LLGL1: variants seen among roughly 807,000 people sequenced by gnomAD.
The protein encoded by LLGL1 is LLGL scribble cell polarity complex component 1, also known as lethal(2) giant larvae protein homolog 1.
Under a neutral mutation model 110.6 loss-of-function variants are expected in LLGL1, and 58 were observed. That is an observed-to-expected ratio of 0.52 (90% CI 0.42 to 0.65). The LOEUF is 0.65. LLGL1 is among the 30% of genes least tolerant of loss of function. LLGL1 has a pLI of 0.00. For synonymous variants in LLGL1, 674 were observed against 607.2 expected (o/e 1.11, Z -1.62); for missense variants, 1,229 against 1,462.1 (o/e 0.84, Z 2.60).
In LLGL1 at chr17:18,225,637, C is replaced by T. The variant is rs1373931703; in HGVS notation, c.-46C>T. 6.4e-6 allele frequency: 6 copies of T among 930,560 alleles called. No individual in the cohort carries two copies. The East Asian group carries it at 3.5e-4, about 54-fold the overall frequency. 57.6% of individuals were successfully genotyped at this position (930,560 alleles called of 1,614,324 possible). A position where few individuals can be genotyped will look rare whatever the true frequency, so the allele number is the denominator to read the frequency against. Reference sequence around the variant, plus strand: ...GGACCCGCGGGGCCGCGCGGCGCATCCTGCGGGCGGCGGCGGCGGGCGAGG... The same window carrying T: ...GGACCCGCGGGGCCGCGCGGCGCATTCTGCGGGCGGCGGCGGCGGGCGAGG... On this transcript the variant is annotated 5_prime_UTR_variant, in exon 1 of 23. Transcript: ENST00000316843.
intron 2 of LLGL1, among the ~76,000 whole-genome samples, chr17:18,231,031 C>T (rs573597219): frequency 2.2e-4 from 33 of 152,292 alleles, no homozygotes; most frequent in Admixed American, 4.6e-4. Context: ...GTGGGTGCTG[C>T]GCTGCGTGCG....
chr17:18,232,433 G>T, intron 2 of LLGL1, 62 bp from the exon 3 acceptor site: 2 of 1,428,404 alleles, frequency 1.4e-6, no homozygotes, highest in Non-Finnish European at 9.7e-7. Flanking sequence ...GGAGCCTTGG[G>T]TGTCTTCCTC....
At chr17:18,234,489 A>G (rs2047645373) in intron 7 of LLGL1, 81 bp downstream of exon 7, 2 of 1,587,226 alleles carry the variant, frequency 1.3e-6, no homozygotes, top group Non-Finnish European at 8.6e-7. Flanking sequence ...CTGAGGAGGG[A>G]CTTCCCCGAG....
intron 1 of LLGL1, among the ~76,000 whole-genome samples, chr17:18,229,547 A>G (rs561594768): frequency 3.9e-5 from 6 of 152,284 alleles, no homozygotes; most frequent in African/African-American, 1.4e-4. Flanking sequence ...AATGGGGTGC[A>G]GAGCCCTTCA....
At chr17:18,237,381 T>G in intron 13 of LLGL1, 100 bp from the exon 14 acceptor site, 1 of 1,191,624 alleles carries the variant, frequency 8.4e-7, no homozygotes, top group Non-Finnish European at 1.2e-6. Context: ...TAGAACCACC[T>G]TGGTGGTGGC....
intron 22 of LLGL1, 44 bp downstream of exon 22, chr17:18,242,866 C>T: frequency 1.3e-6 from 2 of 1,498,502 alleles, no homozygotes. Flanking sequence ...TGGTGACGTC[C>T]ACCCCCTTCA....
chr17:18,225,812 G>C, intron 1 of LLGL1, 49 bp downstream of exon 1: 1 of 861,754 alleles, frequency 1.2e-6, no homozygotes, highest in African/African-American at 1.8e-5. Context: ...GGCGGGACGG[G>C]GGCCTGGGCT....
rs1301778941 is a variant in LLGL1 at position 18,238,163 on chromosome 17, T to G, written c.2001T>G (p.Ile667Met). ...KKSLRQSFRR[I>M]RKSRVSGKKR... The stretch of plus-strand genomic sequence containing the variant: ...CACTGCGCCAGTCTTTCCGGCGCAT[T>G]CGCAAGAGTCGTGTCTCTGGCAAGA... The change falls in exon 15 of 23, where the codon ATT (isoleucine) becomes ATG (methionine). Residue 667 changes from isoleucine to methionine, a missense_variant. Coordinates refer to ENST00000316843, the MANE Select transcript of LLGL1 (RefSeq NM_004140.4). 1 of 1,613,314 alleles carries G rather than the reference T, an allele frequency of 6.2e-7. No individual in the cohort carries two copies. The highest frequency in any genetic ancestry group is 1.7e-5 in the Admixed American group (1 of 60,034).
rs377198347 is a variant in LLGL1, at chr17:18,237,598, C to T, written c.1729C>T (p.Arg577Cys). ...TWKGHERLSP[R>C]TGPLPWPAGF... ...GAAGGGCCACGAGCGGCTGAGCCCA[C>T]GCACGGGGCCGCTGCCCTGGCCTGC... The change falls in exon 14 of 23, where the codon CGC becomes TGC. Residue 577 changes from arginine to cysteine, a missense_variant. Arg to Cys is a radical substitution (Grantham distance 180). Coordinates refer to ENST00000316843, the MANE Select transcript of LLGL1 (RefSeq NM_004140.4). 2.4e-5 allele frequency: 38 copies of T among 1,610,752 alleles called. 1 individual carries two copies. The East Asian group carries it at 2.9e-4, about 12-fold the overall frequency.
chr17:18,231,387 G>A (rs2047563791), intron 2 of LLGL1, among the ~76,000 whole-genome samples: 1 of 152,232 alleles, frequency 6.6e-6, no homozygotes, highest in South Asian at 2.1e-4. Context: ...GGGAATCTGA[G>A]CTCAAGCTCC....
chr17:18,233,232 G>A (rs2047608066), intron 4 of LLGL1, among the ~76,000 whole-genome samples: 1 of 152,176 alleles, frequency 6.6e-6, no homozygotes, highest in African/African-American at 2.4e-5. Context: ...AGGGTTGAGG[G>A]CAAGGAGGGT....
intron 20 of LLGL1, 44 bp from the exon 21 acceptor site, chr17:18,242,464 G>A: frequency 6.2e-7 from 1 of 1,610,864 alleles, no homozygotes; most frequent in Non-Finnish European, 8.5e-7. Context: ...AGGTGCAGAG[G>A]GTGCTAAGGG....
rs761888691 is a variant in LLGL1, at chr17:18,236,734, G to A, written c.1480G>A (p.Glu494Lys). ...CGCTGACAGCCTGGCCCAGGCTGCC[G>A]AGGACGACTGGCCACCCTTCCGCAA... Reference protein sequence around the residue: ...EHADSLAQAAEDDWPPFRKVG... With the variant: ...EHADSLAQAAKDDWPPFRKVG... The change falls in exon 12 of 23, where the codon GAG (glutamate) becomes AAG (lysine). Residue 494 changes from glutamate (E) to lysine (K), a missense_variant. Physicochemically the swap from Glu to Lys is moderately conservative, Grantham distance 56. Transcript: ENST00000316843. 6 of 1,612,436 alleles carry A rather than the reference G, an allele frequency of 3.7e-6. No individual in the cohort carries two copies. Among genetic ancestry groups the A allele is most frequent in the East Asian group, 4.5e-5 (2 of 44,862 alleles).
chr17:18,238,469 A>T lies in LLGL1; in HGVS notation c.2066A>T (p.Asn689Ile). Residue 689 changes from asparagine (N) to isoleucine (I), a missense_variant, in exon 16 of 23, where the codon AAT becomes ATT. By Grantham distance (149) the Asn-to-Ile change is moderately radical (BLOSUM62 -3). Coordinates refer to ENST00000316843, the MANE Select transcript of LLGL1 (RefSeq NM_004140.4). ...ANASSKLQEA[N>I]AQLAEQACPH... ...CCCGCCCGGCAGTTGCAGGAAGCCAATGCACAGCTGGCTGAGCAGGCCTGC... is the reference window on the plus strand; with the variant it reads ...CCCGCCCGGCAGTTGCAGGAAGCCATTGCACAGCTGGCTGAGCAGGCCTGC... 6.2e-7 allele frequency: 1 copy of T among 1,610,736 alleles called. No individual in the cohort carries two copies. The highest frequency in any genetic ancestry group is 8.5e-7 in the Non-Finnish European group (1 of 1,178,806).
Position 18,241,914 on chromosome 17 carries a change from G to T in LLGL1, c.2797G>T (p.Glu933Ter). The T allele has an allele frequency of 6.2e-7, 1 of 1,614,128 alleles. No individual in the cohort carries two copies. The highest frequency in any genetic ancestry group is 1.1e-5 in the South Asian group (1 of 91,078). ...GFYLISPSEF[E>*]RFSLSARNIT... ...TTACCTGATATCCCCATCAGAATTTGAACGCTTCTCCCTAAGTGCCCGGAA... is the reference window on the plus strand; with the variant it reads ...TTACCTGATATCCCCATCAGAATTTTAACGCTTCTCCCTAAGTGCCCGGAA... Residue 933 changes from glutamate to a stop codon, truncating the protein, a stop_gained, in exon 19 of 23, where the codon GAA becomes TAA. Transcript: ENST00000316843. LOFTEE classifies it high-confidence loss of function.
chr17:18,235,397 T>G, intron 10 of LLGL1, 73 bp from the exon 11 acceptor site: 3 of 1,606,636 alleles, frequency 1.9e-6, no homozygotes, highest in Non-Finnish European at 2.6e-6. Flanking sequence ...GGTCAGAATG[T>G]GCCATACTCG....
Position 18,232,482 on chromosome 17 carries a change from C to T in LLGL1, c.180-13C>T, listed in dbSNP as rs371599695. Reference sequence around the variant, plus strand: ...GGTCTATGCCTATTTCCACCTTGACCTGCCACCCTCAGCTATGGTGCACCT... The same window carrying T: ...GGTCTATGCCTATTTCCACCTTGACTTGCCACCCTCAGCTATGGTGCACCT... On this transcript the variant is annotated splice_polypyrimidine_tract_variant and intron_variant, in intron 2 of 22. Coordinates refer to ENST00000316843, the MANE Select transcript of LLGL1 (RefSeq NM_004140.4). 1.9e-6 allele frequency: 3 copies of T among 1,611,682 alleles called. No individual in the cohort carries two copies. Among genetic ancestry groups the T allele is most frequent in the Non-Finnish European group, 2.5e-6 (3 of 1,178,404 alleles).
At chr17:18,236,396 G>C (rs1351346586) in intron 11 of LLGL1, 12 of 563,972 alleles carry the variant, frequency 2.1e-5, no homozygotes. Flanking sequence ...GGCTCCAGGT[G>C]CATATGGTGC....
chr17:18,230,088 GTA>G (rs1305376001), intron 2 of LLGL1, 50 bp downstream of exon 2: 3 of 1,387,452 alleles, frequency 2.2e-6, no homozygotes, highest in East Asian at 4.6e-5. Context: ...CCACCTGCCT[GTA>G]GTTCCCTGTG....
Sources: gnomAD v4.1 joint callset for allele counts (sites outside exome capture counted in the v4.1 genomes callset) on GRCh38, gnomAD v4.1.1 for gene constraint, MANE v1.5 for transcripts, NCBI Gene and HGNC (gene_info 2026-07-23, HGNC 2026-07-21) for gene names.